The following PTPRD variants were observed in gnomAD, a reference collection of about 807,000 sequenced individuals.
PTPRD encodes the protein protein tyrosine phosphatase receptor type D, also known as receptor-type tyrosine-protein phosphatase delta.
A neutral mutation model predicts 214.5 loss-of-function variants in PTPRD; 34 were observed. The ratio of observed to expected loss-of-function variants is 0.16; its 90% CI spans 0.12 to 0.21. The LOEUF is 0.21. Ranked by LOEUF, PTPRD falls within the 10% of genes least tolerant of loss-of-function variation. PTPRD has a pLI of 1.00. For missense variants in PTPRD, 2,545 were observed against 2,398.7 expected (o/e 1.06, Z -1.27); for synonymous variants, 1,128 against 845.7 (o/e 1.33, Z -5.79).
intron 11 of PTPRD, among the ~76,000 whole-genome samples, chr9:8,980,729 C>G (rs192513719): frequency 6.6e-6 from 1 of 152,002 alleles, no homozygotes; most frequent in African/African-American, 2.4e-5. Flanking sequence ...GCCCCAAATC[C>G]CTACCTTGAA....
chr9:8,643,211 C>G (rs1475067898), intron 12 of PTPRD, among the ~76,000 whole-genome samples: 1 of 152,128 alleles, frequency 6.6e-6, no homozygotes, highest in African/African-American at 2.4e-5. Context: ...GAAATAACTG[C>G]TCCTTGAGTT....
Position 10,014,818 on chromosome 9 carries a change from C to T in PTPRD, c.-472+18900G>A, listed in dbSNP as rs562975048. Among the ~76,000 whole-genome samples, 9 of 151,958 alleles carry T rather than the reference C, an allele frequency of 5.9e-5. 1 individual carries two copies. The highest frequency in any genetic ancestry group is 1.9e-4 in the East Asian group (1 of 5,192). On this transcript the variant is annotated intron_variant, in intron 4 of 45. Transcript: ENST00000381196. ...AAAAGACCTTTGATGTGACTAAGTG[C>T]GTGGTTATTTCTATATTTAATTGTG...
At chr9:9,501,583 A>T (rs961563977) in intron 8 of PTPRD, among the ~76,000 whole-genome samples, 1 of 151,928 alleles carries the variant, frequency 6.6e-6, no homozygotes, top group African/African-American at 2.4e-5. Flanking sequence ...ATGTATATCA[A>T]CTATGCCCAA....
chr9:10,583,126 C>G (rs1178598683), intron 2 of PTPRD, among the ~76,000 whole-genome samples: 1 of 152,036 alleles, frequency 6.6e-6, no homozygotes, highest in Non-Finnish European at 1.5e-5. Flanking sequence ...GCAGTTAGAA[C>G]CTTTGTTCTT....
In PTPRD at chr9:9,961,465, A is replaced by G. The variant is rs137946319; in HGVS notation, c.-471-22855T>C. Among the ~76,000 whole-genome samples the G allele has an allele frequency of 4.4e-3, 676 of 152,286 alleles. 7 individuals are homozygous for G. Among genetic ancestry groups the G allele is most frequent in the Middle Eastern group, 0.034 (10 of 294 alleles). ...TAATTTAATATGATAAAGTCGGCTC[A>G]TTTGCCCACAAGGTTGAAAGTTCCC... On this transcript the variant is annotated intron_variant, in intron 4 of 45. Transcript: ENST00000381196.
intron 3 of PTPRD, among the ~76,000 whole-genome samples, chr9:10,280,580 T>C (rs1030951128): frequency 1.3e-5 from 2 of 152,118 alleles, no homozygotes; most frequent in African/African-American, 2.4e-5. Context: ...AGTCTCTGAT[T>C]CAGTAAGTCT....
intron 10 of PTPRD, among the ~76,000 whole-genome samples, chr9:9,048,251 C>CA (rs1280651967): frequency 2.0e-5 from 3 of 152,054 alleles, no homozygotes; most frequent in African/African-American, 7.2e-5. Flanking sequence ...GGAGGTTCCT[C>CA]AAAAAACTAA....
At chr9:9,171,032 C>A (rs72696827) in intron 10 of PTPRD, among the ~76,000 whole-genome samples, 3 of 152,112 alleles carry the variant, frequency 2.0e-5, no homozygotes, top group Admixed American at 1.3e-4. Flanking sequence ...GAAACACCTG[C>A]CACATTGTGG....
chr9:10,499,997 T>C (rs2043180681), intron 2 of PTPRD, among the ~76,000 whole-genome samples: 1 of 151,884 alleles, frequency 6.6e-6, no homozygotes, highest in South Asian at 2.1e-4. Context: ...GCCAGCTTTC[T>C]TTCTCTGTCC....
At chr9:9,214,743 A>C (rs1002858963) in intron 9 of PTPRD, among the ~76,000 whole-genome samples, 5 of 152,168 alleles carry the variant, frequency 3.3e-5, no homozygotes, top group Non-Finnish European at 7.3e-5. Flanking sequence ...ACATTATAAA[A>C]ATAATATTCA....
chr9:10,530,799 CAAAT>C (rs1036884126), intron 2 of PTPRD, among the ~76,000 whole-genome samples: 4 of 151,918 alleles, frequency 2.6e-5, no homozygotes, highest in Admixed American at 6.6e-5. Context: ...AAACAGATAT[CAAAT>C]AAATAAATAA....
chr9:10,358,504 A>G (rs965490339), intron 2 of PTPRD, among the ~76,000 whole-genome samples: 3 of 151,954 alleles, frequency 2.0e-5, no homozygotes, highest in Non-Finnish European at 4.4e-5. Context: ...CCTAGTATTT[A>G]TGAAACTTTT....
intron 7 of PTPRD, among the ~76,000 whole-genome samples, chr9:9,623,873 C>A (rs2095329917): frequency 6.6e-6 from 1 of 152,158 alleles, no homozygotes; most frequent in Non-Finnish European, 1.5e-5. Context: ...TTTTCCCGTG[C>A]AATCTCTCTT....
chr9:8,455,569 A>G (rs2096160593), intron 33 of PTPRD, among the ~76,000 whole-genome samples: 1 of 152,204 alleles, frequency 6.6e-6, no homozygotes, highest in Non-Finnish European at 1.5e-5. Flanking sequence ...AGTGGCTGGA[A>G]TATCTGGCCC....
intron 11 of PTPRD, among the ~76,000 whole-genome samples, chr9:8,772,170 G>A (rs971883853): frequency 6.6e-6 from 1 of 151,814 alleles, no homozygotes; most frequent in African/African-American, 2.4e-5. Context: ...CACAGATTTT[G>A]AGGCCAGAAC....
At chr9:8,738,540 A>T (rs773701813) in intron 11 of PTPRD, among the ~76,000 whole-genome samples, 1 of 152,124 alleles carries the variant, frequency 6.6e-6, no homozygotes, top group Non-Finnish European at 1.5e-5. Flanking sequence ...AGTTGTCGGA[A>T]CTACTAGGCT....
At chr9:10,432,857 T>C (rs2098692234) in intron 2 of PTPRD, among the ~76,000 whole-genome samples, 2 of 151,950 alleles carry the variant, frequency 1.3e-5, no homozygotes, top group South Asian at 4.2e-4. Flanking sequence ...TGACAGGTTG[T>C]TTCATACCTC....
intron 8 of PTPRD, among the ~76,000 whole-genome samples, chr9:9,409,572 A>C (rs116493347): frequency 2.6e-5 from 4 of 152,076 alleles, no homozygotes; most frequent in Non-Finnish European, 4.4e-5. Context: ...GAGAGCACTT[A>C]AAATTTCTAC....
intron 7 of PTPRD, among the ~76,000 whole-genome samples, chr9:9,669,309 G>T (rs1354876454): frequency 6.6e-6 from 1 of 152,146 alleles, no homozygotes; most frequent in Non-Finnish European, 1.5e-5. Context: ...GATTCTATTA[G>T]TATGACTGAT....
Sources: gnomAD v4.1 joint callset for allele counts (sites outside exome capture counted in the v4.1 genomes callset) on GRCh38, gnomAD v4.1.1 for gene constraint, MANE v1.5 for transcripts, NCBI Gene and HGNC (gene_info 2026-07-23, HGNC 2026-07-21) for gene names.